Variants in MAGI2 observed in about 807,000 individuals in gnomAD.
The protein encoded by MAGI2 is membrane associated guanylate kinase, WW and PDZ domain containing 2.
In MAGI2, 35 loss-of-function variants were observed where a neutral mutation model predicts 133.3. That is an observed-to-expected ratio of 0.26 (90% CI 0.20 to 0.35). The LOEUF is 0.35. Among genes scored for constraint, MAGI2 ranks in the 10% least tolerant of loss-of-function variants. The pLI is 1.00. For synonymous variants in MAGI2, 729 were observed against 710.6 expected (o/e 1.03, Z -0.41); for missense variants, 1,636 against 1,863.4 (o/e 0.88, Z 2.25).
chr7:78,078,821 T>C (rs1273408522), intron 21 of MAGI2, 126 bp downstream of exon 21: 4 of 943,898 alleles, frequency 4.2e-6, no homozygotes, highest in Admixed American at 1.8e-5. Context: ...TGTATATATA[T>C]ACCTATTGAT....
At chr7:79,101,313 T>A (rs147739299) in intron 1 of MAGI2, among the ~76,000 whole-genome samples, 1 of 152,188 alleles carries the variant, frequency 6.6e-6, no homozygotes, top group East Asian at 1.9e-4. Context: ...TATATTAAGC[T>A]TGAAGACCAG....
At chr7:79,117,468 T>C (rs1424337750) in intron 1 of MAGI2, among the ~76,000 whole-genome samples, 1 of 152,162 alleles carries the variant, frequency 6.6e-6, no homozygotes, top group Admixed American at 6.6e-5. Flanking sequence ...GCAAAGGTAA[T>C]ACTAAACAGT....
At chr7:79,388,014 AAAT>A (rs1844315461) in intron 1 of MAGI2, among the ~76,000 whole-genome samples, 3 of 151,984 alleles carry the variant, frequency 2.0e-5, no homozygotes, top group African/African-American at 7.2e-5. Flanking sequence ...CCCCAAATTA[AAAT>A]AATAATATTC....
chr7:78,541,445 T>C (rs112622372), intron 3 of MAGI2, among the ~76,000 whole-genome samples: 1 of 152,196 alleles, frequency 6.6e-6, no homozygotes, highest in African/African-American at 2.4e-5. Flanking sequence ...TGGCATATGG[T>C]CAATACTGAG....
At chr7:79,266,711 C>A (rs180835045) in intron 1 of MAGI2, among the ~76,000 whole-genome samples, 1 of 152,060 alleles carries the variant, frequency 6.6e-6, no homozygotes, top group Non-Finnish European at 1.5e-5. Context: ...GCCCCATACT[C>A]GGGAAACTTT....
intron 2 of MAGI2, among the ~76,000 whole-genome samples, chr7:78,792,248 C>T (rs1001723776): frequency 6.6e-5 from 10 of 152,104 alleles, no homozygotes; most frequent in Admixed American, 2.6e-4. Flanking sequence ...GAGGAAGACA[C>T]GTAAAGCCTT....
chr7:78,772,114 C>T (rs566859344), intron 2 of MAGI2, among the ~76,000 whole-genome samples: 2 of 152,180 alleles, frequency 1.3e-5, no homozygotes, highest in Admixed American at 6.5e-5. Flanking sequence ...GACCTAGGCC[C>T]TAAAGAGTAA....
chr7:79,030,775 T>TAAAATCA (rs1810491355), intron 1 of MAGI2, among the ~76,000 whole-genome samples: 5 of 152,222 alleles, frequency 3.3e-5, no homozygotes, highest in Non-Finnish European at 5.9e-5. Flanking sequence ...GAATTATTCT[T>TAAAATCA]GGGATTAGAG....
intron 2 of MAGI2, among the ~76,000 whole-genome samples, chr7:78,947,874 T>C (rs1279995411): frequency 6.6e-6 from 1 of 152,146 alleles, no homozygotes; most frequent in Non-Finnish European, 1.5e-5. Flanking sequence ...GGCCATTTCC[T>C]AAAATTGCAT....
intron 21 of MAGI2, among the ~76,000 whole-genome samples, chr7:78,050,983 G>A (rs1343071822): frequency 2.0e-5 from 3 of 152,092 alleles, no homozygotes; most frequent in African/African-American, 2.4e-5. Flanking sequence ...TACCTCTGGA[G>A]CCAGAAGCTA....
intron 20 of MAGI2, among the ~76,000 whole-genome samples, chr7:78,093,041 C>T (rs1251444021): frequency 7.1e-6 from 1 of 141,360 alleles, no homozygotes; most frequent in Non-Finnish European, 1.5e-5. Context: ...GAGGCTGAGG[C>T]AGGAGAATGG....
At chr7:79,285,826 A>G (rs910358136) in intron 1 of MAGI2, among the ~76,000 whole-genome samples, 2 of 152,222 alleles carry the variant, frequency 1.3e-5, no homozygotes, top group African/African-American at 4.8e-5. Context: ...AAAGTATTCA[A>G]CCTGGGGTTT....
chr7:79,275,677 CT>C (rs1256040688), intron 1 of MAGI2, among the ~76,000 whole-genome samples: 3 of 152,276 alleles, frequency 2.0e-5, no homozygotes, highest in East Asian at 3.9e-4. Flanking sequence ...AAGTCAATGT[CT>C]GCCTTCAAAG....
At chr7:78,619,097 T>C (rs1807436561) in intron 3 of MAGI2, 1 of 151,446 alleles carries the variant, frequency 6.6e-6, no homozygotes, top group African/African-American at 2.4e-5. Context: ...TTAATTAGTT[T>C]GACTAGGTCA....
intron 6 of MAGI2, chr7:78,487,034 G>T: frequency 2.0e-6 from 1 of 506,790 alleles, no homozygotes; most frequent in Non-Finnish European, 4.0e-6. Flanking sequence ...ACCAACGAAG[G>T]ACCAATACAC....
At chr7:78,653,201 T>G (rs150071791) in intron 2 of MAGI2, among the ~76,000 whole-genome samples, 2,169 of 152,274 alleles carry the variant, frequency 0.014, 53 homozygotes, top group African/African-American at 0.049. Flanking sequence ...TGTAAATTAG[T>G]TCAACCATTA....
chr7:78,068,235 C>T (rs200791268), intron 21 of MAGI2, among the ~76,000 whole-genome samples: 8 of 152,132 alleles, frequency 5.3e-5, no homozygotes, highest in South Asian at 2.1e-4. Flanking sequence ...GTAGGGTTTG[C>T]GCCCCTATGA....
intron 4 of MAGI2, among the ~76,000 whole-genome samples, chr7:78,514,601 G>A (rs899439826): frequency 3.9e-5 from 6 of 152,148 alleles, no homozygotes; most frequent in Non-Finnish European, 7.3e-5. Context: ...TACACAAATC[G>A]CAGTCTCTGT....
At chr7:78,467,630 G>C (rs989696165) in intron 6 of MAGI2, among the ~76,000 whole-genome samples, 2 of 151,652 alleles carry the variant, frequency 1.3e-5, no homozygotes, top group Non-Finnish European at 2.9e-5. Context: ...ATGCAATTTG[G>C]TGTGAGATAA....
Sources: gnomAD v4.1 joint callset for allele counts (sites outside exome capture counted in the v4.1 genomes callset) on GRCh38, gnomAD v4.1.1 for gene constraint, MANE v1.5 for transcripts, NCBI Gene and HGNC (gene_info 2026-07-23, HGNC 2026-07-21) for gene names.